The following CELF2 variants were observed in gnomAD, a reference collection of about 807,000 sequenced individuals.
CELF2 encodes CUG triplet repeat RNA-binding protein 2.
CELF2 carries 8 observed loss-of-function variants against 62.6 expected under a neutral mutation model. The ratio of observed to expected loss-of-function variants is 0.13; its 90% CI spans 0.07 to 0.23. The LOEUF (loss-of-function observed/expected upper bound fraction) is 0.23. Ranked by LOEUF, CELF2 falls within the 10% of genes least tolerant of loss-of-function variation. The pLI, the probability that CELF2 is intolerant of heterozygous loss-of-function variation, is 1.00. For synonymous variants in CELF2, 258 were observed against 250.0 expected (o/e 1.03, Z -0.30); for missense variants, 333 against 671.0 (o/e 0.50, Z 5.56).
rs371740780 is a variant in CELF2 at position 11,157,393 on chromosome 10, C to G, written c.75-8093C>G. Among the ~76,000 whole-genome samples the G allele has an allele frequency of 4.9e-5, 6 of 123,528 alleles. No individual in the cohort carries two copies. The highest frequency in any genetic ancestry group is 1.5e-4 in the African/African-American group (5 of 32,512). The allele number at this position is 123,528 out of a possible 152,430, so 81.0% of individuals were successfully genotyped here. On this transcript the variant is annotated intron_variant, in intron 1 of 12. Transcript: ENST00000633077. The surrounding 1 kb of genome is among the most constrained non-coding windows in gnomAD (Gnocchi z 4.9). ...TTGACTTTGATATCCGCCCTCCCCC[C>G]ACACACACACACACAAAAATTTCAC...
chr10:10,818,546 C>CT lies in CELF2; in HGVS notation c.53+19749dup, dbSNP rs3028992. On this transcript the variant is annotated intron_variant, in intron 1 of 13. Coordinates refer to the CELF2 transcript ENST00000636488. ...TCCAACAAGCAGCATTAAATATTTC[C>CT]TTTTTTTTTTTTTTTTTTTTCTTGA... Among the ~76,000 whole-genome samples the CT allele has an allele frequency of 8.6e-4, 100 of 116,520 alleles. 1 individual carries two copies. The highest frequency in any genetic ancestry group is 4.3e-3 in the Middle Eastern group (1 of 234). The allele number at this position is 116,520 out of a possible 152,430, so 76.4% of individuals were successfully genotyped here. A position where few individuals can be genotyped will look rare whatever the true frequency, so the allele number is the denominator to read the frequency against.
chr10:10,767,737 C>T, the CELF2 span, among the ~76,000 whole-genome samples: 1 of 152,144 alleles, frequency 6.6e-6, no homozygotes, highest in African/African-American at 2.4e-5. Context: ...TGGCTCACGC[C>T]TGTAATCCCA....
At chr10:10,570,524 A>G in the CELF2 span, among the ~76,000 whole-genome samples, 3 of 152,158 alleles carry the variant, frequency 2.0e-5, no homozygotes, top group African/African-American at 7.2e-5. Flanking sequence ...AAAGATTACT[A>G]AAATGTAAAG....
intron 2 of CELF2, among the ~76,000 whole-genome samples, chr10:11,182,907 G>A (rs981232831): frequency 6.6e-6 from 1 of 152,104 alleles, no homozygotes; most frequent in Non-Finnish European, 1.5e-5. Flanking sequence ...CGCCATTTGT[G>A]CATTCCTACT....
At chr10:10,927,675 C>T (rs1456491444) in intron 2 of CELF2, among the ~76,000 whole-genome samples, 1 of 152,094 alleles carries the variant, frequency 6.6e-6, no homozygotes, top group African/African-American at 2.4e-5. Context: ...GCACCTCTCC[C>T]ACCTTGGCCT....
the CELF2 span, among the ~76,000 whole-genome samples, chr10:10,784,149 G>A: frequency 1.3e-5 from 2 of 152,198 alleles, no homozygotes; most frequent in Admixed American, 6.5e-5. Context: ...CCCCCTTGCA[G>A]GATGAGCAAC....
intron 1 of CELF2, among the ~76,000 whole-genome samples, chr10:10,919,712 T>C (rs1591918334): frequency 6.6e-6 from 1 of 152,242 alleles, no homozygotes; most frequent in African/African-American, 2.4e-5. Context: ...TTGAACTTCA[T>C]TGTATTCAAC....
chr10:10,766,509 A>G, the CELF2 span, among the ~76,000 whole-genome samples: 1 of 152,100 alleles, frequency 6.6e-6, no homozygotes, highest in Non-Finnish European at 1.5e-5. Flanking sequence ...GTCAGGTGTA[A>G]GGGACCTGCC....
chr10:10,763,514 T>C, the CELF2 span, among the ~76,000 whole-genome samples: 1 of 152,202 alleles, frequency 6.6e-6, no homozygotes, highest in Non-Finnish European at 1.5e-5. Context: ...ATAAAGGGTC[T>C]GTACCTTCCG....
Position 11,319,523 on chromosome 10 carries a change from G to A in CELF2, c.1097-1666G>A, listed in dbSNP as rs2095305393. Among the ~76,000 whole-genome samples, 1 of 152,122 alleles carries A rather than the reference G, an allele frequency of 6.6e-6. No individual in the cohort carries two copies. Among genetic ancestry groups the A allele is most frequent in the African/African-American group, 2.4e-5 (1 of 41,410 alleles). ...CTCTTTGGACAGCACTTACTTGCAT[G>A]ACCCAAAGAAAACATTAATGAAAAT... On this transcript the variant is annotated intron_variant, in intron 10 of 12. Coordinates refer to ENST00000633077, the MANE Select transcript of CELF2 (RefSeq NM_001326342.2). The surrounding 1 kb of genome is among the most constrained non-coding windows in gnomAD (Gnocchi z 4.4).
chr10:10,463,361 C>G, the CELF2 span, among the ~76,000 whole-genome samples: 1 of 152,172 alleles, frequency 6.6e-6, no homozygotes, highest in Non-Finnish European at 1.5e-5. Context: ...AAATTTTCAG[C>G]AACCAGATTT....
At chr10:10,634,743 C>T in the CELF2 span, among the ~76,000 whole-genome samples, 3 of 150,560 alleles carry the variant, frequency 2.0e-5, no homozygotes, top group Non-Finnish European at 4.4e-5. Context: ...CTCACTGCAA[C>T]CTCCACCTCC....
intron 1 of CELF2, among the ~76,000 whole-genome samples, chr10:11,077,516 T>C (rs1050121853): frequency 5.9e-5 from 9 of 152,188 alleles, no homozygotes; most frequent in African/African-American, 2.2e-4. Context: ...GAAACTTCTG[T>C]CTTCCAAATA....
the CELF2 span, among the ~76,000 whole-genome samples, chr10:10,686,610 A>G: frequency 1.3e-5 from 2 of 151,774 alleles, no homozygotes; most frequent in Non-Finnish European, 2.9e-5. Context: ...TTCTCATGAG[A>G]TCTTGTGGTT....
rs141802201 is a variant in CELF2 at position 11,007,963 on chromosome 10, C to T, written c.53+2523C>T. 2.6e-4 allele frequency among the ~76,000 whole-genome samples: 40 copies of T among 152,236 alleles called. No individual in the cohort carries two copies. The East Asian group carries it at 7.7e-3, about 29-fold the overall frequency. On this transcript the variant is annotated intron_variant, in intron 1 of 12. Coordinates refer to the CELF2 transcript ENST00000416382. ...CTCTCTTCTCACTTTGTTTGCTTTT[C>T]CGGTGGTTGGATTATTACCAGCTCC...
the CELF2 span, among the ~76,000 whole-genome samples, chr10:10,734,519 A>G: frequency 2.6e-5 from 4 of 152,308 alleles, no homozygotes; most frequent in South Asian, 8.3e-4. Flanking sequence ...GGGCATAGGC[A>G]CAAGCCTGGA....
intron 1 of CELF2, among the ~76,000 whole-genome samples, chr10:11,027,219 C>T (rs1175797149): frequency 1.3e-5 from 2 of 152,184 alleles, no homozygotes; most frequent in African/African-American, 2.4e-5. Context: ...AATATTAAGC[C>T]ATCCTTACAT....
At position 10,936,649 on chromosome 10, in the gene CELF2, T is replaced by A. The variant is rs1436506540; in HGVS notation, c.89+16650T>A. ...CTTTTCTCGCCACTACTTTGGTAAC[T>A]TGTATCCCCCATCCCTGGGGACAAA... On this transcript the variant is annotated intron_variant, in intron 2 of 13. Transcript: ENST00000636488. The surrounding 1 kb of genome is among the most constrained non-coding windows in gnomAD (Gnocchi z 4.0). 1 of 152,248 alleles carries A rather than the reference T, an allele frequency of 6.6e-6. No homozygotes were observed. Among genetic ancestry groups the A allele is most frequent in the South Asian group, 2.1e-4 (1 of 4,832 alleles). The allele number at this position is 152,248 out of a possible 1,614,324, so 9.4% of individuals were successfully genotyped here. A position where few individuals can be genotyped will look rare whatever the true frequency, so the allele number is the denominator to read the frequency against.
At position 10,957,685 on chromosome 10, in the gene CELF2, C is replaced by T. The variant is rs2049051157; in HGVS notation, c.89+37686C>T. On this transcript the variant is annotated intron_variant, in intron 2 of 13. Coordinates refer to the CELF2 transcript ENST00000636488. The surrounding 1 kb of genome is among the most constrained non-coding windows in gnomAD (Gnocchi z 4.1). ...ATGACTCATAATTGGCCAAATTCTC[C>T]AGCTTCTCCTTGCTCACATGTCTTC... is the stretch of plus-strand genomic sequence containing the variant. 6.6e-6 allele frequency among the ~76,000 whole-genome samples: 1 copy of T among 152,194 alleles called. No homozygotes were observed. Among genetic ancestry groups the T allele is most frequent in the Non-Finnish European group, 1.5e-5 (1 of 68,038 alleles).
Sources: gnomAD v4.1 joint callset for allele counts (sites outside exome capture counted in the v4.1 genomes callset) on GRCh38, gnomAD v4.1.1 for gene constraint, Gnocchi (gnomAD v3.1) non-coding constraint, MANE v1.5 for transcripts, NCBI Gene and HGNC (gene_info 2026-07-23, HGNC 2026-07-21) for gene names.